Variants in SEM1 observed in about 807,000 individuals in gnomAD.
SEM1 encodes 26S proteasome complex subunit SEM1.
SEM1 carries 3 observed loss-of-function variants against 12.7 expected under a neutral mutation model. The observed-to-expected ratio is 0.24, with a 90% CI of 0.11 to 0.61. The LOEUF (loss-of-function observed/expected upper bound fraction) is 0.61. Ranked by LOEUF, SEM1 falls within the 20% of genes least tolerant of loss-of-function variation. The pLI, the probability that SEM1 is intolerant of heterozygous loss-of-function variation, is 0.88. For missense variants in SEM1, 59 were observed against 81.3 expected (o/e 0.73, Z 1.06); for synonymous variants, 30 against 27.8 (o/e 1.08, Z -0.25).
intron 2 of SEM1, among the ~76,000 whole-genome samples, chr7:96,632,784 GTTT>G (rs11296451): frequency 4.5e-5 from 5 of 110,182 alleles, no homozygotes; most frequent in Admixed American, 9.3e-5. Context: ...GTTGTTTTTT[GTTT>G]TTTTTTTTTT....
At chr7:96,556,827 C>A (rs1372345873) in intron 2 of SEM1, among the ~76,000 whole-genome samples, 11 of 133,384 alleles carry the variant, frequency 8.2e-5, no homozygotes. Context: ...TTCAGGTACA[C>A]CAATCAGACG....
At chr7:96,596,885 G>C (rs1200608462) in intron 2 of SEM1, among the ~76,000 whole-genome samples, 1 of 152,146 alleles carries the variant, frequency 6.6e-6, no homozygotes, top group East Asian at 1.9e-4. Context: ...TGTTGTGTCA[G>C]CTTGTACATT....
At chr7:96,515,704 G>A (rs969692372) in intron 2 of SEM1, among the ~76,000 whole-genome samples, 3 of 152,114 alleles carry the variant, frequency 2.0e-5, no homozygotes, top group African/African-American at 7.2e-5. Flanking sequence ...CCATAAAAAA[G>A]GATGAGTTCC....
At chr7:96,557,020 G>A (rs1163841316) in intron 2 of SEM1, among the ~76,000 whole-genome samples, 43 of 148,250 alleles carry the variant, frequency 2.9e-4, no homozygotes, top group Non-Finnish European at 4.6e-4. Flanking sequence ...CGTAGTTCTC[G>A]AGCCTTGGTT....
At chr7:96,556,380 G>C (rs968520998) in intron 2 of SEM1, among the ~76,000 whole-genome samples, 6 of 151,984 alleles carry the variant, frequency 3.9e-5, no homozygotes, top group African/African-American at 7.2e-5. Flanking sequence ...TTGTAAGGCA[G>C]GCCTGGTGGT....
intron 2 of SEM1, among the ~76,000 whole-genome samples, chr7:96,522,968 T>G (rs2115652519): frequency 6.6e-6 from 1 of 152,120 alleles, no homozygotes; most frequent in South Asian, 2.1e-4. Context: ...TGGATCCCAT[T>G]TTATCATGAA....
chr7:96,580,488 A>G (rs1806358921), intron 2 of SEM1, among the ~76,000 whole-genome samples: 2 of 151,732 alleles, frequency 1.3e-5, no homozygotes, highest in African/African-American at 4.8e-5. Context: ...TATACCCAGT[A>G]ATGGGATGGC....
intron 2 of SEM1, among the ~76,000 whole-genome samples, chr7:96,633,248 T>C (rs1043106801): frequency 6.6e-6 from 1 of 152,006 alleles, no homozygotes; most frequent in African/African-American, 2.4e-5. Context: ...ATAGGAAAAA[T>C]AGACATAGCT....
chr7:96,644,205 G>A (rs994928538), intron 2 of SEM1, among the ~76,000 whole-genome samples: 4 of 152,128 alleles, frequency 2.6e-5, no homozygotes, highest in Admixed American at 6.6e-5. Flanking sequence ...CAGCAACTGT[G>A]TGGTGGAGGT....
At chr7:96,696,953 C>T (rs1302417197) in intron 1 of SEM1, 2 of 151,826 alleles carry the variant, frequency 1.3e-5, no homozygotes, top group Admixed American at 1.3e-4. Context: ...AGGGTTAACT[C>T]CAGAAATAGT....
chr7:96,486,255 TTA>T lies in SEM1; in HGVS notation c.173_174del (p.Ile58LysfsTer47). On this transcript the variant is annotated frameshift_variant, in exon 2 of 4. Coordinates refer to the SEM1 transcript ENST00000356686. LOFTEE classifies it high-confidence loss of function. ...GCTCTGGAGTTGGGCATCTCCAAGTTTATCTGTTGCTTTGCAAAGGCCGGATG... is the reference window on the plus strand; with the variant it reads ...GCTCTGGAGTTGGGCATCTCCAAGTTTCTGTTGCTTTGCAAAGGCCGGATG... The T allele has an allele frequency of 6.5e-7, 1 of 1,537,170 alleles. No individual in the cohort carries two copies.
chr7:96,529,639 G>A (rs1395903381), intron 2 of SEM1, among the ~76,000 whole-genome samples: 1 of 151,980 alleles, frequency 6.6e-6, no homozygotes, highest in Non-Finnish European at 1.5e-5. Flanking sequence ...TGTAGTTCTT[G>A]AAGAAGGGTT....
intron 2 of SEM1, among the ~76,000 whole-genome samples, chr7:96,635,256 G>C (rs1028292651): frequency 7.2e-5 from 11 of 152,056 alleles, no homozygotes; most frequent in Admixed American, 7.2e-4. Flanking sequence ...TGGGTGTGGG[G>C]AATCAAAAGT....
chr7:96,521,388 C>T (rs1008485841), intron 2 of SEM1, among the ~76,000 whole-genome samples: 1 of 152,146 alleles, frequency 6.6e-6, no homozygotes, highest in East Asian at 1.9e-4. Flanking sequence ...ATGGTACAAG[C>T]CACACCACAA....
chr7:96,573,024 T>C (rs1446090558), intron 2 of SEM1, among the ~76,000 whole-genome samples: 3 of 152,220 alleles, frequency 2.0e-5, no homozygotes, highest in Admixed American at 2.0e-4. Flanking sequence ...TTGATCCCTT[T>C]ACCATTATGT....
chr7:96,610,694 T>C (rs1807513269), intron 2 of SEM1, among the ~76,000 whole-genome samples: 1 of 152,236 alleles, frequency 6.6e-6, no homozygotes, highest in African/African-American at 2.4e-5. Flanking sequence ...TTCTACAGTC[T>C]TGGTCAATGG....
chr7:96,611,359 G>T (rs1807533298), intron 2 of SEM1, among the ~76,000 whole-genome samples: 1 of 152,192 alleles, frequency 6.6e-6, no homozygotes, highest in Admixed American at 6.5e-5. Context: ...TCAAATTTAG[G>T]AAGGTAGAGG....
At chr7:96,605,180 T>C (rs1376889635) in intron 2 of SEM1, among the ~76,000 whole-genome samples, 1 of 152,176 alleles carries the variant, frequency 6.6e-6, no homozygotes, top group Non-Finnish European at 1.5e-5. Flanking sequence ...AATCCTAATT[T>C]AAAAGACAAT....
chr7:96,688,992 C>G (rs2115809860), intron 2 of SEM1, 26 bp from the exon 3 acceptor site: 1 of 1,394,360 alleles, frequency 7.2e-7, no homozygotes, highest in Middle Eastern at 1.8e-4. Flanking sequence ...AAGAACATCA[C>G]TAGGTATTCT....
Sources: allele counts gnomAD v4.1 joint callset (sites outside exome capture counted in the v4.1 genomes callset), GRCh38; gene constraint gnomAD v4.1.1; transcripts MANE v1.5; gene names NCBI Gene and HGNC (gene_info 2026-07-23, HGNC 2026-07-21).